Variants in PCDH15 observed in about 807,000 individuals in gnomAD.
PCDH15 encodes protocadherin-15.
A neutral mutation model predicts 178.5 loss-of-function variants in PCDH15; 129 were observed. That is an observed-to-expected ratio of 0.72 (90% CI 0.63 to 0.84). PCDH15 has a LOEUF of 0.84. Among genes scored for constraint, PCDH15 ranks in the 40% least tolerant of loss-of-function variants. The pLI is 0.00. For missense variants in PCDH15, 2,230 were observed against 2,099.9 expected (o/e 1.06, Z -1.21); for synonymous variants, 800 against 732.0 (o/e 1.09, Z -1.50).
chr10:55,148,031 C>T (rs549147171), intron 2 of PCDH15, among the ~76,000 whole-genome samples: 1 of 151,964 alleles, frequency 6.6e-6, no homozygotes, highest in Admixed American at 6.6e-5. Flanking sequence ...TTGTCTTTTG[C>T]TCCATTTAAT....
intron 8 of PCDH15, among the ~76,000 whole-genome samples, chr10:54,244,521 C>T (rs1032687477): frequency 5.9e-5 from 9 of 152,186 alleles, no homozygotes; most frequent in Admixed American, 3.3e-4. Context: ...GTCCAAGTGA[C>T]AAAGTCTGAA....
intron 13 of PCDH15, among the ~76,000 whole-genome samples, chr10:54,161,630 C>T (rs1225372156): frequency 3.7e-5 from 5 of 135,780 alleles, no homozygotes; most frequent in African/African-American, 1.4e-4. Context: ...TTGAAACTTA[C>T]ATTTGTCTCA....
chr10:54,518,246 C>A (rs1402028228), intron 3 of PCDH15, among the ~76,000 whole-genome samples: 1 of 151,794 alleles, frequency 6.6e-6, no homozygotes, highest in Non-Finnish European at 1.5e-5. Context: ...ACACAAAAAA[C>A]CCTTCAAAAA....
chr10:54,325,586 T>A (rs1827221933), intron 7 of PCDH15, among the ~76,000 whole-genome samples: 1 of 152,002 alleles, frequency 6.6e-6, no homozygotes, highest in African/African-American at 2.4e-5. Flanking sequence ...TCGTTTCTAC[T>A]ACACATCCAA....
chr10:54,519,743 C>G (rs2082644210), intron 3 of PCDH15, among the ~76,000 whole-genome samples: 4 of 152,106 alleles, frequency 2.6e-5, no homozygotes, highest in Admixed American at 2.0e-4. Flanking sequence ...AAAAAAGAGC[C>G]CGCATCACCA....
intron 1 of PCDH15, among the ~76,000 whole-genome samples, chr10:54,667,913 G>A (rs2094597715): frequency 6.6e-6 from 1 of 151,900 alleles, no homozygotes; most frequent in Admixed American, 6.6e-5. Context: ...CAAAATACTG[G>A]GGAAAAGTGT....
intron 2 of PCDH15, among the ~76,000 whole-genome samples, chr10:55,581,841 C>T (rs1038210584): frequency 6.6e-6 from 1 of 151,976 alleles, no homozygotes; most frequent in Non-Finnish European, 1.5e-5. Flanking sequence ...CACATGTGGG[C>T]AATTTTTTTT....
intron 2 of PCDH15, among the ~76,000 whole-genome samples, chr10:55,010,475 G>C (rs1840023541): frequency 6.6e-6 from 1 of 152,108 alleles, no homozygotes; most frequent in South Asian, 2.1e-4. Context: ...GGGACTTTGG[G>C]TAGGAGGCAT....
chr10:53,827,426 G>A lies in PCDH15; in HGVS notation c.4334C>T (p.Ala1445Val). 1.9e-6 allele frequency: 3 copies of A among 1,613,180 alleles called. No individual in the cohort carries two copies. Among genetic ancestry groups the A allele is most frequent in the East Asian group, 2.2e-5 (1 of 44,842 alleles). The change falls in exon 32 of 38, where the codon GCG becomes GTG. Residue 1445 changes from alanine to valine, a missense_variant. Ala to Val is a moderately conservative substitution (Grantham distance 64). Coordinates refer to ENST00000644397, the MANE Select transcript of PCDH15 (RefSeq NM_001384140.1). ...GTCTCCAAGTTCTTCATAGAGATGC[G>A]CACCTGGCGGAGGCGGCGGCGGCGG... ...PPPPPPPPPG[A>V]HLYEELGDSS...
At chr10:55,021,765 C>T (rs1211955998) in intron 2 of PCDH15, among the ~76,000 whole-genome samples, 2 of 152,086 alleles carry the variant, frequency 1.3e-5, no homozygotes, top group Non-Finnish European at 1.5e-5. Context: ...TCTTGAACAT[C>T]AATTAAGAAC....
chr10:54,533,534 T>C (rs138543324), intron 2 of PCDH15, among the ~76,000 whole-genome samples: 1 of 152,354 alleles, frequency 6.6e-6, no homozygotes, highest in East Asian at 1.9e-4. Context: ...CTATAATTTC[T>C]ATTAGAATTC....
At chr10:55,386,483 A>G (rs1413247303) in intron 2 of PCDH15, among the ~76,000 whole-genome samples, 1 of 152,070 alleles carries the variant, frequency 6.6e-6, no homozygotes, top group African/African-American at 2.4e-5. Context: ...ATTGTATTGG[A>G]GAATGCAAGT....
chr10:55,061,912 C>A (rs969234853), intron 2 of PCDH15, among the ~76,000 whole-genome samples: 3 of 152,184 alleles, frequency 2.0e-5, no homozygotes, highest in African/African-American at 4.8e-5. Context: ...CCCAGCTACT[C>A]AGGAGGCTGA....
chr10:55,608,484 T>C (rs1843283687), intron 2 of PCDH15, among the ~76,000 whole-genome samples: 1 of 151,758 alleles, frequency 6.6e-6, no homozygotes, highest in Admixed American at 6.6e-5. Context: ...AGACTCTTCC[T>C]TGGCGAGGTA....
chr10:53,824,772 G>C (rs949337130), intron 32 of PCDH15, among the ~76,000 whole-genome samples: 4 of 151,622 alleles, frequency 2.6e-5, no homozygotes, highest in African/African-American at 9.7e-5. Context: ...AGCACCCAAT[G>C]GATATAACAA....
intron 2 of PCDH15, among the ~76,000 whole-genome samples, chr10:55,501,220 G>A (rs750403427): frequency 4.0e-5 from 6 of 151,706 alleles, no homozygotes; most frequent in Admixed American, 6.6e-5. Context: ...CTGAAGCTGA[G>A]AGAGGAAAGG....
rs563695250 is a variant in PCDH15, at chr10:55,409,857, A to T, written c.-156+217768T>A. On this transcript the variant is annotated intron_variant, in intron 2 of 5. Transcript: ENST00000613346. ...GGACTGGAAAGGAGGAACATATTAA[A>T]TACGCGTACCTAATAAAAAAGAGAA... Among the ~76,000 whole-genome samples the T allele has an allele frequency of 1.1e-4, 17 of 152,278 alleles. No homozygotes were observed. In the South Asian group the frequency reaches 3.5e-3, roughly 32 times the overall value.
At position 54,824,874 on chromosome 10, in the gene PCDH15, T is replaced by C. The variant is rs535470736; in HGVS notation, c.-29+72576A>G. ...ATAAATAAAAAGCCTACTTCTTTTATTTTTTATTATTATTATACTTTAAGT... is the reference window on the plus strand; with the variant it reads ...ATAAATAAAAAGCCTACTTCTTTTACTTTTTATTATTATTATACTTTAAGT... On this transcript the variant is annotated intron_variant, in intron 3 of 5. Coordinates refer to the PCDH15 transcript ENST00000458638. Among the ~76,000 whole-genome samples the C allele has an allele frequency of 1.2e-3, 186 of 152,232 alleles. 1 individual carries two copies. The highest frequency in any genetic ancestry group is 4.3e-3 in the African/African-American group (179 of 41,552).
At chr10:54,520,733 T>A in intron 3 of PCDH15, among the ~76,000 whole-genome samples, 1 of 151,382 alleles carries the variant, frequency 6.6e-6, no homozygotes, top group East Asian at 1.9e-4. Flanking sequence ...CAAAGGACTA[T>A]AAATCATGCT....
Sources: gnomAD v4.1 joint callset for allele counts (sites outside exome capture counted in the v4.1 genomes callset) on GRCh38, gnomAD v4.1.1 for gene constraint, MANE v1.5 for transcripts, NCBI Gene and HGNC (gene_info 2026-07-23, HGNC 2026-07-21) for gene names.